Variants in KIAA1217 observed in about 807,000 individuals in gnomAD.
The protein encoded by KIAA1217 is sickle tail protein homolog.
Under a neutral mutation model 163.9 loss-of-function variants are expected in KIAA1217, and 88 were observed. The observed-to-expected ratio is 0.54, with a 90% CI of 0.45 to 0.64. The LOEUF (loss-of-function observed/expected upper bound fraction) is 0.64, where lower values mean the gene tolerates loss of function less well. Among genes scored for constraint, KIAA1217 ranks in the 30% least tolerant of loss-of-function variants. KIAA1217 has a pLI of 0.00. For synonymous variants in KIAA1217, 903 were observed against 923.1 expected (o/e 0.98, Z 0.39); for missense variants, 2,372 against 2,475.0 (o/e 0.96, Z 0.88).
rs559446781 is a variant in KIAA1217, at chr10:24,265,331, T to A, written c.354+45422T>A. On this transcript the variant is annotated intron_variant, in intron 2 of 20. Coordinates refer to ENST00000376454, the MANE Select transcript of KIAA1217 (RefSeq NM_019590.5). ...AACAATCGTCTTCATAATGCCACCATGTATGTATGTAGTCCTTTGGAGACT... is the reference window on the plus strand; with the variant it reads ...AACAATCGTCTTCATAATGCCACCAAGTATGTATGTAGTCCTTTGGAGACT... Among the ~76,000 whole-genome samples, 10 of 152,356 alleles carry A rather than the reference T, an allele frequency of 6.6e-5. No individual in the cohort carries two copies. In the South Asian group the frequency reaches 2.1e-3, roughly 32 times the overall value.
At chr10:23,974,829 C>A (rs1845472151) in intron 1 of KIAA1217, among the ~76,000 whole-genome samples, 1 of 152,050 alleles carries the variant, frequency 6.6e-6, no homozygotes, top group Non-Finnish European at 1.5e-5. Context: ...TAAGCTACTT[C>A]TTTCTCCCTA....
At chr10:23,770,577 C>G (rs947963127) in intron 1 of KIAA1217, among the ~76,000 whole-genome samples, 5 of 152,008 alleles carry the variant, frequency 3.3e-5, no homozygotes, top group African/African-American at 1.2e-4. Context: ...TGGAGAAGAC[C>G]CTGGAAGAGT....
intron 2 of KIAA1217, among the ~76,000 whole-genome samples, chr10:24,179,977 G>A (rs966928317): frequency 6.6e-6 from 1 of 152,164 alleles, no homozygotes; most frequent in African/African-American, 2.4e-5. Flanking sequence ...GAGGAAACTA[G>A]TGGAAGATGT....
At chr10:23,875,935 A>T (rs1840670780) in intron 1 of KIAA1217, among the ~76,000 whole-genome samples, 1 of 117,250 alleles carries the variant, frequency 8.5e-6, no homozygotes, top group Non-Finnish European at 1.7e-5. Context: ...AACATCACAC[A>T]CTAGGGCTTG....
intron 1 of KIAA1217, among the ~76,000 whole-genome samples, chr10:23,939,361 C>T (rs1441649312): frequency 6.6e-6 from 1 of 151,976 alleles, no homozygotes; most frequent in Non-Finnish European, 1.5e-5. Flanking sequence ...GTGGTGCATA[C>T]TTCAAATTTA....
chr10:23,702,949 A>C (rs1836571594), intron 1 of KIAA1217, among the ~76,000 whole-genome samples: 2 of 151,910 alleles, frequency 1.3e-5, no homozygotes, highest in African/African-American at 4.8e-5. Flanking sequence ...GATGGTCTGG[A>C]TCTCCTGACC....
chr10:24,473,952 C>T lies in KIAA1217; in HGVS notation c.1571C>T (p.Pro524Leu). The T allele has an allele frequency of 6.2e-7, 1 of 1,614,192 alleles. No individual in the cohort carries two copies. The highest frequency in any genetic ancestry group is 8.5e-7 in the Non-Finnish European group (1 of 1,180,048). ...GGCACCTTGGTGTATATAGAAAAGCCACGGAGCGCTGCAGGATTATCCAGC... is the reference window on the plus strand; with the variant it reads ...GGCACCTTGGTGTATATAGAAAAGCTACGGAGCGCTGCAGGATTATCCAGC... ...EPGTLVYIEKPRSAAGLSSLV... is the reference protein window; with the variant it reads ...EPGTLVYIEKLRSAAGLSSLV... Residue 524 changes from proline to leucine, a missense_variant, in exon 6 of 21, where the codon CCA becomes CTA. By Grantham distance (98) the Pro-to-Leu change is moderately conservative (BLOSUM62 -3). Around this residue, in one of 3 missense-constraint regions of KIAA1217, gnomAD observed 1,431 missense variants for 1,470.3 expected, o/e 0.97. Coordinates refer to ENST00000376454, the MANE Select transcript of KIAA1217 (RefSeq NM_019590.5).
chr10:24,419,661 C>T (rs1280265483), intron 3 of KIAA1217, among the ~76,000 whole-genome samples: 3 of 152,100 alleles, frequency 2.0e-5, no homozygotes, highest in Non-Finnish European at 4.4e-5. Context: ...AAACATGTTT[C>T]CATAATTGCT....
At chr10:23,702,894 T>A (rs1836567337) in intron 1 of KIAA1217, among the ~76,000 whole-genome samples, 1 of 152,018 alleles carries the variant, frequency 6.6e-6, no homozygotes, top group East Asian at 1.9e-4. Context: ...CGCCCGGTAA[T>A]TTTTTGTATT....
chr10:23,971,061 A>C (rs1845294743), intron 1 of KIAA1217, among the ~76,000 whole-genome samples: 1 of 152,190 alleles, frequency 6.6e-6, no homozygotes, highest in African/African-American at 2.4e-5. Flanking sequence ...CCTTTGACTT[A>C]GGGTCTTACA....
At chr10:23,870,229 C>G (rs952974802) in intron 1 of KIAA1217, among the ~76,000 whole-genome samples, 3 of 152,026 alleles carry the variant, frequency 2.0e-5, no homozygotes, top group African/African-American at 7.2e-5. Flanking sequence ...CAGAGTGAAG[C>G]CACTGAGGGA....
chr10:24,506,676 A>C lies in KIAA1217; in HGVS notation c.2001+5131A>C, dbSNP rs115481777. On this transcript the variant is annotated intron_variant, in intron 9 of 20. Transcript: ENST00000376454. ...AGAAATTAAACAACACAGGACCGTA[A>C]TCCTTAGGAGAATGGGGGGAAAAAA... Among the ~76,000 whole-genome samples the C allele has an allele frequency of 4.4e-3, 670 of 152,322 alleles. 9 individuals are homozygous for C. The highest frequency in any genetic ancestry group is 0.015 in the African/African-American group (639 of 41,594).
intron 1 of KIAA1217, among the ~76,000 whole-genome samples, chr10:23,837,456 C>T (rs1838530885): frequency 1.3e-5 from 2 of 152,200 alleles, no homozygotes; most frequent in South Asian, 4.1e-4. Context: ...CAGAGCCATG[C>T]ACCCCAAGGA....
At chr10:24,169,228 A>G (rs1407119962) in intron 2 of KIAA1217, among the ~76,000 whole-genome samples, 1 of 152,244 alleles carries the variant, frequency 6.6e-6, no homozygotes, top group Non-Finnish European at 1.5e-5. Context: ...ATGCCAGTAA[A>G]TGTACCATTG....
chr10:24,092,928 T>TGTTGTGTG (rs548350322), intron 2 of KIAA1217, among the ~76,000 whole-genome samples: 3,776 of 140,956 alleles, frequency 0.027, 67 homozygotes, highest in Middle Eastern at 0.056. Context: ...TGTGTGTGTG[T>TGTTGTGTG]TGTGTGTGTG....
At chr10:23,720,384 G>T (rs59793654) in intron 1 of KIAA1217, among the ~76,000 whole-genome samples, 12,529 of 152,094 alleles carry the variant, frequency 0.082, 1,673 homozygotes, top group African/African-American at 0.28. Flanking sequence ...TAAATAACAA[G>T]GAAATGTCTA....
At chr10:24,050,034 T>C (rs1424974551) in intron 2 of KIAA1217, among the ~76,000 whole-genome samples, 1 of 152,236 alleles carries the variant, frequency 6.6e-6, no homozygotes, top group Non-Finnish European at 1.5e-5. Flanking sequence ...ATTGTGGTTT[T>C]GATTTGCATT....
intron 10 of KIAA1217, among the ~76,000 whole-genome samples, chr10:24,516,940 G>T (rs552332509): frequency 1.3e-5 from 2 of 152,034 alleles, no homozygotes; most frequent in African/African-American, 4.8e-5. Context: ...TGGGAAGATC[G>T]CTTGAGCCCA....
intron 14 of KIAA1217, 126 bp from the exon 15 acceptor site, chr10:24,531,704 T>A: frequency 3.3e-6 from 3 of 895,892 alleles, no homozygotes; most frequent in South Asian, 4.2e-5. Context: ...ATACACTTAA[T>A]CCTTGCTCTA....
Sources: allele counts gnomAD v4.1 joint callset (sites outside exome capture counted in the v4.1 genomes callset), GRCh38; gene constraint gnomAD v4.1.1; regional missense constraint gnomAD v4.1.1; transcripts MANE v1.5; gene names NCBI Gene and HGNC (gene_info 2026-07-23, HGNC 2026-07-21).